Variants in TMEM132B observed in about 807,000 individuals in gnomAD.
TMEM132B encodes transmembrane protein 132B.
TMEM132B carries 18 observed loss-of-function variants against 90.8 expected under a neutral mutation model. The observed-to-expected ratio is 0.20, with a 90% confidence interval of 0.14 to 0.29. TMEM132B has a LOEUF of 0.29. Ranked by LOEUF, TMEM132B falls within the 10% of genes least tolerant of loss-of-function variation. TMEM132B has a pLI of 1.00. For synonymous variants in TMEM132B, 504 were observed against 523.3 expected (o/e 0.96, Z 0.50); for missense variants, 1,096 against 1,326.8 (o/e 0.83, Z 2.70).
intron 1 of TMEM132B, among the ~76,000 whole-genome samples, chr12:125,291,074 A>G (rs4765037): frequency 0.84 from 127,354 of 152,156 alleles, 53,617 homozygotes; most frequent in African/African-American, 0.93. Flanking sequence ...GGCACTGGAA[A>G]GTGGGGACCT....
At chr12:125,419,199 C>T (rs1428139854) in intron 3 of TMEM132B, among the ~76,000 whole-genome samples, 2 of 152,220 alleles carry the variant, frequency 1.3e-5, no homozygotes, top group Non-Finnish European at 2.9e-5. Flanking sequence ...CAGGCACACC[C>T]ACGTTGCTGT....
At chr12:125,413,809 T>C (rs1879928429) in intron 2 of TMEM132B, among the ~76,000 whole-genome samples, 1 of 152,232 alleles carries the variant, frequency 6.6e-6, no homozygotes, top group Non-Finnish European at 1.5e-5. Flanking sequence ...AACATGAGTG[T>C]ACAAGTATTT....
intron 1 of TMEM132B, among the ~76,000 whole-genome samples, chr12:125,238,110 C>T (rs1873976612): frequency 6.6e-6 from 1 of 152,090 alleles, no homozygotes; most frequent in East Asian, 1.9e-4. Context: ...TCCTCTTCTT[C>T]TCCTCTCTTT....
At chr12:125,586,706 G>A (rs909982347) in intron 5 of TMEM132B, 1 of 152,046 alleles carries the variant, frequency 6.6e-6, no homozygotes, top group African/African-American at 2.4e-5. Flanking sequence ...AGACTGTCGC[G>A]GTATCACAGT....
rs1749328930 is a variant in TMEM132B at position 125,460,567 on chromosome 12, TC to T, written c.1106+44891del. Among the ~76,000 whole-genome samples, 1 of 152,174 alleles carries T rather than the reference TC, an allele frequency of 6.6e-6. No homozygotes were observed. Among genetic ancestry groups the T allele is most frequent in the Non-Finnish European group, 1.5e-5 (1 of 68,030 alleles). ...AATTTTCGTTCTTAAGCTAAAGAAA[TC>T]ATCTCTCCTTCAGTCCAACGCATTT... On this transcript the variant is annotated intron_variant, in intron 3 of 8. Coordinates refer to ENST00000682704, the MANE Select transcript of TMEM132B (RefSeq NM_001366854.1). This position sits in a 1 kb window ranked among gnomAD's most constrained non-coding sequence, Gnocchi z 4.4.
At chr12:125,378,779 T>G (rs1228686812) in intron 2 of TMEM132B, among the ~76,000 whole-genome samples, 3 of 152,184 alleles carry the variant, frequency 2.0e-5, no homozygotes. Context: ...CAAACAAGTT[T>G]ATAGGTCAAT....
intron 2 of TMEM132B, among the ~76,000 whole-genome samples, chr12:125,411,278 C>T (rs754922703): frequency 2.9e-4 from 43 of 146,500 alleles, no homozygotes; most frequent in Middle Eastern, 3.4e-3. Flanking sequence ...CCAAACACCG[C>T]GTGTTCTCAC....
At chr12:125,549,828 T>G (rs1230674230) in intron 4 of TMEM132B, among the ~76,000 whole-genome samples, 3 of 152,174 alleles carry the variant, frequency 2.0e-5, no homozygotes, top group Admixed American at 6.5e-5. Context: ...CAGAAGAAAT[T>G]AACACCAGAC....
intron 2 of TMEM132B, among the ~76,000 whole-genome samples, chr12:125,412,937 A>C (rs1321687079): frequency 1.3e-5 from 2 of 152,144 alleles, no homozygotes; most frequent in African/African-American, 2.4e-5. Flanking sequence ...TGATCAAGTC[A>C]AGGCAAGGCA....
intron 5 of TMEM132B, among the ~76,000 whole-genome samples, chr12:125,623,305 C>A (rs1886156935): frequency 3.3e-5 from 5 of 152,172 alleles, no homozygotes. Flanking sequence ...GTAATCAAAT[C>A]ATAATCTTGG....
At chr12:125,493,431 G>A (rs550413425) in intron 3 of TMEM132B, among the ~76,000 whole-genome samples, 2 of 152,326 alleles carry the variant, frequency 1.3e-5, no homozygotes, top group African/African-American at 2.4e-5. Flanking sequence ...CCTGCAGAGT[G>A]GAGACAGAGG....
chr12:125,217,082 TC>T (rs1873455157), intron 1 of TMEM132B, among the ~76,000 whole-genome samples: 3 of 152,248 alleles, frequency 2.0e-5, no homozygotes, highest in Admixed American at 2.0e-4. Flanking sequence ...GAGTTTTTCA[TC>T]TGCATTGTGT....
At position 125,392,801 on chromosome 12, in the gene TMEM132B, T is replaced by C. The variant is rs117461440; in HGVS notation, c.960-22730T>C. Among the ~76,000 whole-genome samples, 79 of 152,356 alleles carry C rather than the reference T, an allele frequency of 5.2e-4. 2 individuals carry two copies. In the East Asian group the frequency reaches 0.014, roughly 28 times the overall value. On this transcript the variant is annotated intron_variant, in intron 2 of 8. Coordinates refer to ENST00000682704, the MANE Select transcript of TMEM132B (RefSeq NM_001366854.1). ...TGTGAATGATTTCTCCGTCGCAGTG[T>C]CGCAGGCTTGCATGAGGAACACCTG...
chr12:125,379,922 A>T (rs927338451), intron 2 of TMEM132B, among the ~76,000 whole-genome samples: 1 of 152,182 alleles, frequency 6.6e-6, no homozygotes, highest in African/African-American at 2.4e-5. Context: ...ACAACATTAC[A>T]TTCAGGGTAG....
intron 3 of TMEM132B, among the ~76,000 whole-genome samples, chr12:125,500,922 C>A (rs74698132): frequency 6.6e-6 from 1 of 151,982 alleles, no homozygotes; most frequent in East Asian, 1.9e-4. Context: ...GAGAGAGAGT[C>A]GTATAGTAAT....
At chr12:125,302,363 TAAA>T (rs527250787) in intron 1 of TMEM132B, among the ~76,000 whole-genome samples, 1 of 137,242 alleles carries the variant, frequency 7.3e-6, no homozygotes. Context: ...AGATCCTGTC[TAAA>T]AAAAAAAAAA....
intron 5 of TMEM132B, among the ~76,000 whole-genome samples, chr12:125,640,444 G>A (rs1487469774): frequency 6.6e-6 from 1 of 152,192 alleles, no homozygotes; most frequent in Non-Finnish European, 1.5e-5. Flanking sequence ...CTTGGGATGG[G>A]GCTAAGCCTA....
chr12:125,399,792 T>C (rs185756532), intron 2 of TMEM132B, among the ~76,000 whole-genome samples: 92 of 152,258 alleles, frequency 6.0e-4, no homozygotes, highest in African/African-American at 2.2e-3. Flanking sequence ...AGGTTTGAGA[T>C]TGGCTAAGCG....
At chr12:125,252,066 C>T (rs1183760526) in intron 1 of TMEM132B, among the ~76,000 whole-genome samples, 1 of 152,222 alleles carries the variant, frequency 6.6e-6, no homozygotes, top group Non-Finnish European at 1.5e-5. Flanking sequence ...CTCTAGTATA[C>T]ACTGACACTG....
Sources: gnomAD v4.1 joint callset for allele counts (sites outside exome capture counted in the v4.1 genomes callset) on GRCh38, gnomAD v4.1.1 for gene constraint, Gnocchi (gnomAD v3.1) non-coding constraint, MANE v1.5 for transcripts, NCBI Gene and HGNC (gene_info 2026-07-23, HGNC 2026-07-21) for gene names.